The following FMNL2 variants were observed in gnomAD, a reference collection of about 807,000 sequenced individuals.
The protein encoded by FMNL2 is formin-like protein 2.
In FMNL2, 51 loss-of-function variants were observed where a neutral mutation model predicts 130.2. That is an observed-to-expected ratio of 0.39 (90% CI 0.31 to 0.49). The LOEUF is 0.49. Among genes scored for constraint, FMNL2 ranks in the 20% least tolerant of loss-of-function variants. The pLI, the probability that FMNL2 is intolerant of heterozygous loss-of-function variation, is 0.85. For missense variants in FMNL2, 977 were observed against 1,316.2 expected (o/e 0.74, Z 3.99); for synonymous variants, 465 against 467.1 (o/e 1.00, Z 0.06).
chr2:152,474,077 A>G (rs921127508), intron 1 of FMNL2, among the ~76,000 whole-genome samples: 1 of 152,096 alleles, frequency 6.6e-6, no homozygotes, highest in Non-Finnish European at 1.5e-5. Context: ...GCGTTTTGCT[A>G]TATTGGCCAG....
intron 1 of FMNL2, among the ~76,000 whole-genome samples, chr2:152,364,161 G>A (rs1320388389): frequency 6.6e-6 from 1 of 151,422 alleles, no homozygotes; most frequent in Non-Finnish European, 1.5e-5. Flanking sequence ...CAGAAGTAGG[G>A]TTAAGAATTG....
At chr2:152,349,706 A>C (rs1682362975) in intron 1 of FMNL2, among the ~76,000 whole-genome samples, 1 of 151,494 alleles carries the variant, frequency 6.6e-6, no homozygotes, top group African/African-American at 2.4e-5. Flanking sequence ...TAATCAGTGT[A>C]GATGTAGATA....
intron 10 of FMNL2, among the ~76,000 whole-genome samples, chr2:152,607,846 G>A (rs1302535315): frequency 6.6e-6 from 1 of 152,104 alleles, no homozygotes; most frequent in Non-Finnish European, 1.5e-5. Context: ...TTGTAGAGTT[G>A]ACTGTATGTA....
chr2:152,337,000 A>G (rs770221422), intron 1 of FMNL2, among the ~76,000 whole-genome samples: 1 of 152,188 alleles, frequency 6.6e-6, no homozygotes, highest in Non-Finnish European at 1.5e-5. Context: ...GCCTGCCTTC[A>G]GGCCTTGAAA....
intron 1 of FMNL2, among the ~76,000 whole-genome samples, chr2:152,350,890 C>G (rs1455890750): frequency 6.6e-6 from 1 of 151,656 alleles, no homozygotes. Context: ...ATTATAAATA[C>G]AAAAATCGGC....
chr2:152,616,454 C>T (rs1698955868), intron 12 of FMNL2, among the ~76,000 whole-genome samples: 1 of 151,442 alleles, frequency 6.6e-6, no homozygotes, highest in African/African-American at 2.4e-5. Context: ...CCTCAGCCTC[C>T]CTGGTAGCTG....
At chr2:152,366,968 G>A (rs1683591220) in intron 1 of FMNL2, among the ~76,000 whole-genome samples, 2 of 152,132 alleles carry the variant, frequency 1.3e-5, no homozygotes, top group Non-Finnish European at 2.9e-5. Context: ...CAGGGCAGCA[G>A]AGTGAGACCC....
intron 20 of FMNL2, among the ~76,000 whole-genome samples, chr2:152,631,092 AAAAAT>A (rs1682126483): frequency 6.6e-6 from 1 of 152,182 alleles, no homozygotes; most frequent in Non-Finnish European, 1.5e-5. Context: ...ACAATAACTA[AAAAAT>A]AAAATAGGCC....
At chr2:152,593,860 A>AGAGAGTGT (rs1365489869) in intron 9 of FMNL2, among the ~76,000 whole-genome samples, 6 of 113,346 alleles carry the variant, frequency 5.3e-5, no homozygotes, top group Admixed American at 2.1e-4. Flanking sequence ...AGAGAGAGAG[A>AGAGAGTGT]GTGTGTGTGT....
At chr2:152,632,530 T>C (rs1173987347) in intron 21 of FMNL2, among the ~76,000 whole-genome samples, 3 of 150,314 alleles carry the variant, frequency 2.0e-5, no homozygotes, top group Non-Finnish European at 3.0e-5. Flanking sequence ...ACATTTTGCC[T>C]TTGCCTGGAC....
intron 1 of FMNL2, among the ~76,000 whole-genome samples, chr2:152,488,940 A>G (rs1259608365): frequency 1.3e-5 from 2 of 152,098 alleles, no homozygotes; most frequent in Non-Finnish European, 2.9e-5. Flanking sequence ...GTGTGGTAGC[A>G]TGTGCCTACA....
chr2:152,647,937 T>C lies in FMNL2; in HGVS notation c.*32T>C, dbSNP rs1186892872. The C allele has an allele frequency of 6.5e-7, 1 of 1,541,626 alleles. No homozygotes were observed. The highest frequency in any genetic ancestry group is 1.2e-5 in the South Asian group (1 of 85,364). On this transcript the variant is annotated 3_prime_UTR_variant, in exon 26 of 26. Coordinates refer to ENST00000288670, the MANE Select transcript of FMNL2 (RefSeq NM_052905.4). ...GACTGGCCTGCATGAATACAGGGTG[T>C]GCGTGAATGAAACTGCCCACATGAA... is the stretch of plus-strand genomic sequence containing the variant.
intron 10 of FMNL2, among the ~76,000 whole-genome samples, chr2:152,610,809 C>T (rs576914602): frequency 6.6e-5 from 10 of 152,248 alleles, no homozygotes; most frequent in East Asian, 5.8e-4. Context: ...TATCTAGAAG[C>T]GGAATCGCTG....
At chr2:152,536,975 C>T (rs917237405) in intron 2 of FMNL2, among the ~76,000 whole-genome samples, 1 of 152,152 alleles carries the variant, frequency 6.6e-6, no homozygotes, top group Non-Finnish European at 1.5e-5. Context: ...ATCAGAAATG[C>T]TAAGCTAGAT....
intron 1 of FMNL2, among the ~76,000 whole-genome samples, chr2:152,433,684 G>A (rs77378518): frequency 2.1e-4 from 32 of 152,238 alleles, no homozygotes; most frequent in African/African-American, 6.5e-4. Flanking sequence ...AGGTCCTTGG[G>A]GAAAACTTGT....
chr2:152,363,549 GT>G (rs1277189761), intron 1 of FMNL2, among the ~76,000 whole-genome samples: 1 of 149,904 alleles, frequency 6.7e-6, no homozygotes, highest in Non-Finnish European at 1.5e-5. Flanking sequence ...GGCTCAGTGA[GT>G]TTTTTTCTTT....
intron 1 of FMNL2, among the ~76,000 whole-genome samples, chr2:152,441,873 T>C (rs559907405): frequency 6.6e-6 from 1 of 151,380 alleles, no homozygotes; most frequent in African/African-American, 2.4e-5. Flanking sequence ...AGCAGTAGAG[T>C]TAAAATAGAT....
At chr2:152,486,250 G>A (rs1005319676) in intron 1 of FMNL2, among the ~76,000 whole-genome samples, 2 of 152,152 alleles carry the variant, frequency 1.3e-5, no homozygotes, top group African/African-American at 2.4e-5. Context: ...GGAAGTTCCC[G>A]TGCCACACTG....
In FMNL2 at chr2:152,508,722, C is replaced by T. The variant is rs555110443; in HGVS notation, c.118-13221C>T. On this transcript the variant is annotated intron_variant, in intron 1 of 25. Transcript: ENST00000288670. ...AAGAGAAAAGTGTTTACATCCAGAA[C>T]ATATTGAGTGGGTGTACTGAGTTCA... Among the ~76,000 whole-genome samples the T allele has an allele frequency of 2.6e-5, 4 of 152,226 alleles. No homozygotes were observed. In the East Asian group the frequency reaches 7.7e-4, roughly 29 times the overall value.
Sources: allele counts gnomAD v4.1 joint callset (sites outside exome capture counted in the v4.1 genomes callset), GRCh38; gene constraint gnomAD v4.1.1; transcripts MANE v1.5; gene names NCBI Gene and HGNC (gene_info 2026-07-23, HGNC 2026-07-21).